KIAA0586: variants seen among roughly 807,000 people sequenced by gnomAD.
The protein encoded by KIAA0586 is protein TALPID3.
A neutral mutation model predicts 169.8 loss-of-function variants in KIAA0586; 144 were observed. The observed-to-expected ratio is 0.85, with a 90% CI of 0.74 to 0.97. The LOEUF is 0.97. Ranked by LOEUF, KIAA0586 falls within the 50% of genes least tolerant of loss-of-function variation. The probability of loss-of-function intolerance (pLI) is 0.00; values close to 1 mark genes in which losing one functional copy is unlikely to be tolerated. For missense variants in KIAA0586, 1,854 were observed against 1,823.0 expected (o/e 1.02, Z -0.31); for synonymous variants, 625 against 612.4 (o/e 1.02, Z -0.30).
intron 27 of KIAA0586, 44 bp from the exon 28 acceptor site, chr14:58,508,511 T>C (rs765892469): frequency 1.9e-5 from 27 of 1,427,044 alleles, no homozygotes; most frequent in Non-Finnish European, 1.8e-5. Flanking sequence ...TGAAGATAAA[T>C]TTAACACTTT....
At position 58,442,214 on chromosome 14, in the gene KIAA0586, A is replaced by G. The variant is rs367606068; in HGVS notation, c.411-492A>G. Among the ~76,000 whole-genome samples the G allele has an allele frequency of 3.3e-5, 5 of 152,118 alleles. 1 individual carries two copies. Among genetic ancestry groups the G allele is most frequent in the African/African-American group, 2.4e-5 (1 of 41,492 alleles). Reference sequence around the variant, plus strand: ...AACCTTCGCCTCCTGGGTTCTAGTAATTCTCCTGCCTCAGCCTCCTGAGTG... The same window carrying G: ...AACCTTCGCCTCCTGGGTTCTAGTAGTTCTCCTGCCTCAGCCTCCTGAGTG... On this transcript the variant is annotated intron_variant, in intron 4 of 30. Coordinates refer to ENST00000652326, the MANE Select transcript of KIAA0586 (RefSeq NM_001329943.3).
rs968681531 is a variant in KIAA0586 at position 58,428,294 on chromosome 14, G to T, written c.30G>T (p.Lys10Asn). 5 of 1,613,250 alleles carry T rather than the reference G, an allele frequency of 3.1e-6. No individual in the cohort carries two copies. Among genetic ancestry groups the T allele is most frequent in the African/African-American group, 2.7e-5 (2 of 74,796 alleles). The change falls in exon 1 of 31, where the codon AAG becomes AAT. Residue 10 changes from lysine (K) to asparagine (N), a missense_variant. By Grantham distance (94) the Lys-to-Asn change is moderately conservative (BLOSUM62 0). Coordinates refer to ENST00000652326, the MANE Select transcript of KIAA0586 (RefSeq NM_001329943.3). ...AAGGCTCTGAGGTCAGCTTGGAGAA[G>T]AAAAAAAAGATTAAGATGCCAGTGA... is the stretch of plus-strand genomic sequence containing the variant. MKGSEVSLE[K>N]KKKIKMPVKR...
intron 1 of KIAA0586, 21 bp from the exon 2 acceptor site, chr14:58,429,342 T>A (rs761203590): frequency 1.4e-6 from 2 of 1,457,046 alleles, no homozygotes; most frequent in Non-Finnish European, 1.9e-6. Context: ...ATCACTAAAA[T>A]CTATTCCTTT....
At chr14:58,534,061 T>G (rs77802561) in intron 29 of KIAA0586, among the ~76,000 whole-genome samples, 8,407 of 152,240 alleles carry the variant, frequency 0.055, 321 homozygotes, top group South Asian at 0.12. Flanking sequence ...CAAAACCCAC[T>G]GTCAAGGCTA....
chr14:58,489,716 G>A (rs1271265522), intron 24 of KIAA0586, among the ~76,000 whole-genome samples: 6 of 151,940 alleles, frequency 3.9e-5, no homozygotes, highest in African/African-American at 1.5e-4. Flanking sequence ...ATGTCTTTGT[G>A]CACTTATCTG....
intron 29 of KIAA0586, among the ~76,000 whole-genome samples, chr14:58,523,799 A>C (rs912551000): frequency 9.9e-5 from 15 of 151,470 alleles, no homozygotes; most frequent in African/African-American, 1.2e-4. Context: ...CTTGGGCTTA[A>C]GTGATCCTCC....
chr14:58,459,465 T>C (rs531534477), intron 12 of KIAA0586, among the ~76,000 whole-genome samples: 1 of 152,274 alleles, frequency 6.6e-6, no homozygotes, highest in East Asian at 1.9e-4. Flanking sequence ...TATATTTATC[T>C]CAGTTTTGTT....
At chr14:58,452,414 C>T (rs1194653507) in intron 8 of KIAA0586, among the ~76,000 whole-genome samples, 1 of 152,094 alleles carries the variant, frequency 6.6e-6, no homozygotes, top group African/African-American at 2.4e-5. Context: ...TTATCTTAGA[C>T]ACATTTAAAG....
At chr14:58,510,878 C>A (rs1229247199) in intron 28 of KIAA0586, among the ~76,000 whole-genome samples, 20 of 148,898 alleles carry the variant, frequency 1.3e-4, no homozygotes, top group Admixed American at 4.7e-4. Flanking sequence ...AAAAAAAAAA[C>A]ACTGATTTTA....
chr14:58,450,270 A>G (rs2039254252), intron 7 of KIAA0586, among the ~76,000 whole-genome samples: 1 of 152,208 alleles, frequency 6.6e-6, no homozygotes, highest in South Asian at 2.1e-4. Flanking sequence ...AATTCTTCCT[A>G]TACTTATTGC....
chr14:58,429,228 C>CT (rs2037150223), intron 1 of KIAA0586, 135 bp from the exon 2 acceptor site: 3 of 585,454 alleles, frequency 5.1e-6, no homozygotes, highest in South Asian at 5.0e-5. Flanking sequence ...ATTTTCTTAA[C>CT]TTTTTTTGCA....
intron 27 of KIAA0586, among the ~76,000 whole-genome samples, chr14:58,505,461 C>G (rs2043872665): frequency 6.6e-6 from 1 of 152,176 alleles, no homozygotes; most frequent in Admixed American, 6.5e-5. Context: ...TATACTCCTC[C>G]TTACTCCAGT....
intron 29 of KIAA0586, chr14:58,521,304 C>A: frequency 8.9e-7 from 1 of 1,120,296 alleles, no homozygotes; most frequent in Non-Finnish European, 1.3e-6. Context: ...CACTCTTGTG[C>A]TCCAGAAATC....
Position 58,540,097 on chromosome 14 carries a change from C to G in KIAA0586, c.4456C>G (p.Gln1486Glu). 6.4e-7 allele frequency: 1 copy of G among 1,562,858 alleles called. No homozygotes were observed. Among genetic ancestry groups the G allele is most frequent in the Non-Finnish European group, 8.7e-7 (1 of 1,150,566 alleles). Residue 1486 changes from glutamine (Q) to glutamate (E), a missense_variant, in exon 30 of 31, where the codon CAA becomes GAA. Coordinates refer to ENST00000652326, the MANE Select transcript of KIAA0586 (RefSeq NM_001329943.3). Reference sequence around the variant, plus strand: ...TTCACCAGGTGATATGGATCGGACACAAATTGAGCTTAATCCGTACCTCAC... The same window carrying G: ...TTCACCAGGTGATATGGATCGGACAGAAATTGAGCTTAATCCGTACCTCAC... ...QVSPGDMDRT[Q>E]IELNPYLTCV...
chr14:58,460,418 C>T (rs1225172941), intron 13 of KIAA0586, among the ~76,000 whole-genome samples: 3 of 151,944 alleles, frequency 2.0e-5, no homozygotes, highest in Non-Finnish European at 4.4e-5. Context: ...GTTTATTTTT[C>T]AGTTTAACAA....
intron 15 of KIAA0586, among the ~76,000 whole-genome samples, 153 bp from the exon 16 acceptor site, chr14:58,467,582 G>C (rs944844571): frequency 6.6e-6 from 1 of 152,194 alleles, no homozygotes; most frequent in Non-Finnish European, 1.5e-5. Context: ...GGTATGGTGA[G>C]TATGTCGACA....
chr14:58,536,981 A>G, intron 29 of KIAA0586: 2 of 1,244,812 alleles, frequency 1.6e-6, no homozygotes, highest in Non-Finnish European at 2.1e-6. Flanking sequence ...TTTGACTTCA[A>G]TACCAGTATT....
chr14:58,536,037 T>C (rs1349983107), intron 29 of KIAA0586, among the ~76,000 whole-genome samples: 1 of 152,144 alleles, frequency 6.6e-6, no homozygotes, highest in East Asian at 1.9e-4. Context: ...AAAGTAAGCT[T>C]TGAAGCCCAA....
rs749120698 is a variant in KIAA0586, at chr14:58,547,868, C to G, written c.4583C>G (p.Ser1528Cys). Residue 1528 changes from serine to cysteine, a missense_variant, in exon 31 of 31, where the codon TCT (serine) becomes TGT (cysteine). Physicochemically the swap from Ser to Cys is moderately radical, Grantham distance 112 (BLOSUM62 -1). Coordinates refer to ENST00000652326, the MANE Select transcript of KIAA0586 (RefSeq NM_001329943.3). ...CCGTCAGTGAACCTCGAGGACTGCT[C>G]TCAGTCTCTGAGTCTCAGCACAATG... ...MLPSVNLEDC[S>C]QSLSLSTMQE... The G allele has an allele frequency of 1.2e-6, 2 of 1,613,774 alleles. No homozygotes were observed. Among genetic ancestry groups the G allele is most frequent in the Non-Finnish European group, 1.7e-6 (2 of 1,179,744 alleles).
Sources: allele counts gnomAD v4.1 joint callset (sites outside exome capture counted in the v4.1 genomes callset), GRCh38; gene constraint gnomAD v4.1.1; transcripts MANE v1.5; gene names NCBI Gene and HGNC (gene_info 2026-07-23, HGNC 2026-07-21).